Variants in NDC80 observed in about 807,000 individuals in gnomAD.
NDC80 encodes NDC80 kinetochore complex component, also known as kinetochore protein NDC80 homolog.
In NDC80, 69 loss-of-function variants were observed where a neutral mutation model predicts 89.3. The ratio of observed to expected loss-of-function variants is 0.77; its 90% CI spans 0.64 to 0.94. The LOEUF is 0.94. Among genes scored for constraint, NDC80 ranks in the 40% least tolerant of loss-of-function variants. The pLI is 0.00. For missense variants in NDC80, 593 were observed against 739.6 expected (o/e 0.80, Z 2.30); for synonymous variants, 243 against 255.6 (o/e 0.95, Z 0.47).
intron 16 of NDC80, among the ~76,000 whole-genome samples, 180 bp downstream of exon 16, chr18:2,611,041 G>C (rs1853408782): frequency 1.5e-5 from 2 of 137,556 alleles, no homozygotes; most frequent in Admixed American, 8.2e-5. Context: ...GGGAACACTT[G>C]AGCATTTTTT....
In NDC80 at chr18:2,605,919, A is replaced by G. The variant is rs558287982; in HGVS notation, c.1465-496A>G. 3.9e-4 allele frequency among the ~76,000 whole-genome samples: 59 copies of G among 152,290 alleles called. No homozygotes were observed. The South Asian group carries it at 5.2e-3, about 13-fold the overall frequency. The stretch of plus-strand genomic sequence containing the variant: ...CAACTGATCTTAAAGTTCAAGCTTT[A>G]ACAAGATTAAATGTGGTTACCTTAT... On this transcript the variant is annotated intron_variant, in intron 13 of 16. Transcript: ENST00000261597.
chr18:2,610,251 G>A (rs1038159762), intron 15 of NDC80, among the ~76,000 whole-genome samples: 5 of 152,124 alleles, frequency 3.3e-5, no homozygotes, highest in African/African-American at 7.2e-5. Flanking sequence ...TAAGTCTTAA[G>A]TTGCCCTCAA....
chr18:2,605,501 G>T (rs745479755), intron 13 of NDC80, among the ~76,000 whole-genome samples: 31 of 152,118 alleles, frequency 2.0e-4, no homozygotes, highest in Non-Finnish European at 4.0e-4. Flanking sequence ...ATCTGTTGTT[G>T]TTATTACAAG....
chr18:2,602,574 G>A (rs1337790297), intron 13 of NDC80, among the ~76,000 whole-genome samples: 1 of 152,026 alleles, frequency 6.6e-6, no homozygotes, highest in African/African-American at 2.4e-5. Flanking sequence ...ACTAAAACCT[G>A]GAGATTCTCA....
chr18:2,580,129 CACA>C (rs1196997750), intron 6 of NDC80, among the ~76,000 whole-genome samples: 2 of 151,824 alleles, frequency 1.3e-5, no homozygotes, highest in African/African-American at 2.4e-5. Flanking sequence ...TAGTTGGCAA[CACA>C]ACAAGCAAAA....
Position 2,606,412 on chromosome 18 carries a change from C to T in NDC80, c.1465-3C>T. On this transcript the variant is annotated splice_region_variant and splice_polypyrimidine_tract_variant and intron_variant, in intron 13 of 16. Transcript: ENST00000261597. ...TTTCTCAACCAAAGTTTTATTTCCC[C>T]AGTTGAATGCAATGATAACAGAAAG... 1 of 1,583,510 alleles carries T rather than the reference C, an allele frequency of 6.3e-7. No individual in the cohort carries two copies. The highest frequency in any genetic ancestry group is 8.6e-7 in the Non-Finnish European group (1 of 1,163,890).
intron 10 of NDC80, 132 bp downstream of exon 10, chr18:2,590,294 T>C: frequency 2.2e-6 from 2 of 922,344 alleles, no homozygotes; most frequent in Non-Finnish European, 3.1e-6. Flanking sequence ...AAGTTTTCAG[T>C]GTGTTTCGTA....
At chr18:2,602,857 G>A (rs1304792477) in intron 13 of NDC80, among the ~76,000 whole-genome samples, 1 of 152,156 alleles carries the variant, frequency 6.6e-6, no homozygotes, top group African/African-American at 2.4e-5. Context: ...AACTGAAAAT[G>A]TTAGGAGACT....
At chr18:2,586,600 C>A (rs1178469448) in intron 7 of NDC80, among the ~76,000 whole-genome samples, 1 of 151,974 alleles carries the variant, frequency 6.6e-6, no homozygotes, top group Non-Finnish European at 1.5e-5. Context: ...TGTGGTGGTG[C>A]GTGCCTGTGG....
rs191293692 is a variant in NDC80 at position 2,603,272 on chromosome 18, G to A, written c.1464+1787G>A. Among the ~76,000 whole-genome samples, 5 of 150,888 alleles carry A rather than the reference G, an allele frequency of 3.3e-5. No individual in the cohort carries two copies. The East Asian group carries it at 9.7e-4, about 29-fold the overall frequency. On this transcript the variant is annotated intron_variant, in intron 13 of 16. Coordinates refer to ENST00000261597, the MANE Select transcript of NDC80 (RefSeq NM_006101.3). ...AAAGAGTAACAACATTTAAGGGACC[G>A]GCAAAGGAAGGAGATTCTGGGAAAA...
intron 13 of NDC80, among the ~76,000 whole-genome samples, chr18:2,602,797 G>C (rs1233426575): frequency 6.6e-6 from 1 of 152,108 alleles, no homozygotes; most frequent in Non-Finnish European, 1.5e-5. Context: ...CAGATTTTTA[G>C]GTTTACAAAA....
chr18:2,613,034 C>A (rs983347147), intron 16 of NDC80, among the ~76,000 whole-genome samples: 10 of 152,280 alleles, frequency 6.6e-5, no homozygotes, highest in Middle Eastern at 6.8e-3. Context: ...GAATATTTTT[C>A]TTGTGGGACA....
intron 13 of NDC80, among the ~76,000 whole-genome samples, chr18:2,603,310 A>G (rs571435502): frequency 7.6e-4 from 113 of 149,548 alleles, no homozygotes; most frequent in African/African-American, 2.6e-3. Context: ...TCTTAGAAAA[A>G]GTGGACAAAA....
intron 12 of NDC80, among the ~76,000 whole-genome samples, chr18:2,599,420 C>G (rs2072673173): frequency 6.6e-6 from 1 of 152,074 alleles, no homozygotes; most frequent in Non-Finnish European, 1.5e-5. Context: ...TAATGATCCC[C>G]CCAGAGGAGA....
At chr18:2,590,735 G>A (rs925169286) in intron 10 of NDC80, among the ~76,000 whole-genome samples, 1 of 152,086 alleles carries the variant, frequency 6.6e-6, no homozygotes, top group Admixed American at 6.6e-5. Flanking sequence ...ATATATTTAG[G>A]TGGCCATTGT....
intron 6 of NDC80, chr18:2,582,727 T>A (rs1331185079): frequency 6.6e-6 from 1 of 152,260 alleles, no homozygotes; most frequent in African/African-American, 2.4e-5. Context: ...TCTTGTTATC[T>A]TGACCTATTG....
At chr18:2,597,012 T>A (rs1187520116) in intron 11 of NDC80, among the ~76,000 whole-genome samples, 1 of 151,620 alleles carries the variant, frequency 6.6e-6, no homozygotes, top group Non-Finnish European at 1.5e-5. Flanking sequence ...AGCATCACAC[T>A]CTGGGGACTG....
At chr18:2,604,446 G>T (rs997895845) in intron 13 of NDC80, among the ~76,000 whole-genome samples, 4 of 152,198 alleles carry the variant, frequency 2.6e-5, no homozygotes, top group Non-Finnish European at 1.5e-5. Flanking sequence ...ACTTTGGGAG[G>T]CCAAGGCGGG....
chr18:2,593,515 G>C (rs1006250460), intron 10 of NDC80, among the ~76,000 whole-genome samples: 1 of 152,102 alleles, frequency 6.6e-6, no homozygotes, highest in African/African-American at 2.4e-5. Flanking sequence ...AGACTGTTAA[G>C]GTTTCATTAG....
Sources: allele counts gnomAD v4.1 joint callset (sites outside exome capture counted in the v4.1 genomes callset), GRCh38; gene constraint gnomAD v4.1.1; transcripts MANE v1.5; gene names NCBI Gene and HGNC (gene_info 2026-07-23, HGNC 2026-07-21).